Variants in UBE3D observed in about 807,000 individuals in gnomAD.
UBE3D encodes E3 ubiquitin-protein ligase E3D.
UBE3D carries 48 observed loss-of-function variants against 49.6 expected under a neutral mutation model. That is an observed-to-expected ratio of 0.97 (90% CI 0.77 to 1.23). The LOEUF (loss-of-function observed/expected upper bound fraction) is 1.23. Ranked by LOEUF, UBE3D falls within the 50% of genes most tolerant of loss-of-function variation. The pLI is 0.00. For missense variants in UBE3D, 452 were observed against 468.4 expected (o/e 0.96, Z 0.32); for synonymous variants, 189 against 174.2 (o/e 1.08, Z -0.67).
chr6:82,969,041 G>A (rs1777151369), intron 8 of UBE3D, among the ~76,000 whole-genome samples: 1 of 152,072 alleles, frequency 6.6e-6, no homozygotes, highest in Non-Finnish European at 1.5e-5. Context: ...GTAGACAGGA[G>A]TGGTCACTGT....
chr6:82,991,129 C>T (rs1036596486), intron 8 of UBE3D, among the ~76,000 whole-genome samples: 2 of 152,150 alleles, frequency 1.3e-5, no homozygotes, highest in Non-Finnish European at 2.9e-5. Flanking sequence ...TGGATTCTCA[C>T]AGAAGGAGTG....
At chr6:82,987,050 T>G (rs1276831081) in intron 8 of UBE3D, among the ~76,000 whole-genome samples, 3 of 151,948 alleles carry the variant, frequency 2.0e-5, no homozygotes, top group African/African-American at 7.2e-5. Context: ...GCTCAAGCTA[T>G]CCTCCTCCCT....
At chr6:82,954,127 TA>T (rs2127770319) in intron 9 of UBE3D, among the ~76,000 whole-genome samples, 1 of 152,320 alleles carries the variant, frequency 6.6e-6, no homozygotes, top group East Asian at 1.9e-4. Context: ...TTGGCCAAGA[TA>T]AGGAGTTTGG....
chr6:82,995,701 G>A (rs1582584689), intron 8 of UBE3D, among the ~76,000 whole-genome samples: 2 of 152,134 alleles, frequency 1.3e-5, no homozygotes, highest in South Asian at 4.1e-4. Context: ...ATTGTAACAG[G>A]TATGAGGAGA....
chr6:82,901,066 A>G (rs990713111), intron 9 of UBE3D, among the ~76,000 whole-genome samples: 3 of 152,196 alleles, frequency 2.0e-5, no homozygotes, highest in Non-Finnish European at 4.4e-5. Flanking sequence ...TTGTGGCTAC[A>G]TCACTTAGGG....
At chr6:82,942,277 A>T (rs1163408862) in intron 9 of UBE3D, among the ~76,000 whole-genome samples, 1 of 152,188 alleles carries the variant, frequency 6.6e-6, no homozygotes, top group East Asian at 1.9e-4. Flanking sequence ...TGGAACTTTG[A>T]GAGATATGTT....
intron 9 of UBE3D, among the ~76,000 whole-genome samples, chr6:82,899,698 C>G (rs1771588780): frequency 1.3e-5 from 2 of 152,158 alleles, no homozygotes; most frequent in African/African-American, 4.8e-5. Flanking sequence ...TATTCTTCAA[C>G]AAAGCAAGTA....
At chr6:82,937,095 C>G (rs1774635265) in intron 9 of UBE3D, among the ~76,000 whole-genome samples, 2 of 152,124 alleles carry the variant, frequency 1.3e-5, no homozygotes, top group Admixed American at 1.3e-4. Context: ...AAAATAATTT[C>G]ATTCTTGTTT....
At chr6:83,032,001 G>A (rs1781911260) in intron 5 of UBE3D, among the ~76,000 whole-genome samples, 1 of 152,244 alleles carries the variant, frequency 6.6e-6, no homozygotes, top group Non-Finnish European at 1.5e-5. Flanking sequence ...TCCAGGCAGA[G>A]GTGTGCTGCA....
intron 9 of UBE3D, among the ~76,000 whole-genome samples, chr6:82,936,393 C>T (rs1168209697): frequency 6.6e-6 from 1 of 152,008 alleles, no homozygotes; most frequent in Non-Finnish European, 1.5e-5. Context: ...TATTTATTGC[C>T]TTTACAAATG....
intron 9 of UBE3D, among the ~76,000 whole-genome samples, chr6:82,950,030 A>G (rs1428244133): frequency 2.0e-5 from 3 of 152,210 alleles, no homozygotes; most frequent in Admixed American, 1.3e-4. Flanking sequence ...ACATCAAATT[A>G]AAAGTTTCTG....
At chr6:82,999,141 A>G (rs945189924) in intron 8 of UBE3D, among the ~76,000 whole-genome samples, 2 of 152,198 alleles carry the variant, frequency 1.3e-5, no homozygotes, top group Non-Finnish European at 2.9e-5. Context: ...TCTTACAGAT[A>G]AAACAGAAGC....
chr6:82,890,689 C>T (rs952004885), downstream of UBE3D, among the ~76,000 whole-genome samples: 2 of 152,152 alleles, frequency 1.3e-5, no homozygotes, highest in African/African-American at 4.8e-5. Context: ...CTTGGTTCCT[C>T]CTAAGGCCCA....
intron 9 of UBE3D, among the ~76,000 whole-genome samples, chr6:82,899,633 T>G (rs565136494): frequency 1.1e-4 from 17 of 152,308 alleles, no homozygotes; most frequent in Non-Finnish European, 1.5e-4. Flanking sequence ...TGCCTTTTCA[T>G]CTCTAGATGG....
chr6:82,942,340 A>C (rs1425835428), intron 9 of UBE3D, among the ~76,000 whole-genome samples: 1 of 152,232 alleles, frequency 6.6e-6, no homozygotes, highest in Non-Finnish European at 1.5e-5. Flanking sequence ...AGATTGGAAA[A>C]TTTGCAGCCT....
At chr6:83,053,647 A>G (rs917222718) in intron 3 of UBE3D, among the ~76,000 whole-genome samples, 1 of 152,254 alleles carries the variant, frequency 6.6e-6, no homozygotes, top group South Asian at 2.1e-4. Context: ...AGAATAAATG[A>G]CAAAATTAAC....
chr6:83,064,284 C>T (rs867042601), intron 1 of UBE3D, among the ~76,000 whole-genome samples: 16 of 152,106 alleles, frequency 1.1e-4, no homozygotes, highest in African/African-American at 3.4e-4. Flanking sequence ...ACTGCAGTGG[C>T]GCGATCTCAG....
At chr6:82,898,001 A>G (rs1239656355) in intron 9 of UBE3D, among the ~76,000 whole-genome samples, 2 of 152,256 alleles carry the variant, frequency 1.3e-5, no homozygotes, top group African/African-American at 2.4e-5. Flanking sequence ...AAACAACCCC[A>G]TCAAAAAGTG....
rs1247871063 is a variant in UBE3D, at chr6:83,022,488, T to C, written c.811A>G (p.Thr271Ala). The C allele has an allele frequency of 1.2e-5, 20 of 1,605,662 alleles. No individual in the cohort carries two copies. The highest frequency in any genetic ancestry group is 1.6e-5 in the Non-Finnish European group (19 of 1,176,838). ...ACTTTGTCATCCTGACCTTGAATCG[T>C]GAATCTAAAAGTGCTTCTAGCAGAG... is the stretch of plus-strand genomic sequence containing the variant. ...LSSARSTFRFTIQGQDDKVYI... is the reference protein window; with the variant it reads ...LSSARSTFRFAIQGQDDKVYI... Residue 271 changes from threonine to alanine, a missense_variant, in exon 7 of 10, where the codon ACG (threonine) becomes GCG (alanine). Coordinates refer to ENST00000369747, the MANE Select transcript of UBE3D (RefSeq NM_198920.3).
Sources: gnomAD v4.1 joint callset for allele counts (sites outside exome capture counted in the v4.1 genomes callset) on GRCh38, gnomAD v4.1.1 for gene constraint, MANE v1.5 for transcripts, NCBI Gene and HGNC (gene_info 2026-07-23, HGNC 2026-07-21) for gene names.